Variants in DHX33 observed in about 807,000 individuals in gnomAD.
DHX33 encodes DEAH-box helicase 33.
A neutral mutation model predicts 72.5 loss-of-function variants in DHX33; 42 were observed. The observed-to-expected ratio is 0.58, with a 90% confidence interval of 0.45 to 0.75. The LOEUF (loss-of-function observed/expected upper bound fraction) is 0.75. DHX33 is among the 30% of genes least tolerant of loss of function. DHX33 has a pLI of 0.00. For missense variants in DHX33, 842 were observed against 917.5 expected, an observed-to-expected ratio of 0.92 and a Z score of 1.06; for synonymous variants, 358 against 366.1, an observed-to-expected ratio of 0.98 and a Z score of 0.25.
intron 2 of DHX33, among the ~76,000 whole-genome samples, chr17:5,462,845 T>TG (rs1904704112): frequency 6.6e-6 from 1 of 152,126 alleles, no homozygotes; most frequent in Non-Finnish European, 1.5e-5. Context: ...TTTGGGAGGT[T>TG]GGGGCAGGCA....
Position 5,450,368 on chromosome 17 carries a change from C to A in DHX33, c.1563G>T (p.Glu521Asp), listed in dbSNP as rs138849741. The change falls in exon 10 of 12, where the codon GAG becomes GAT. Residue 521 changes from glutamate to aspartate, a missense_variant. Physicochemically the swap from Glu to Asp is conservative, Grantham distance 45. Transcript: ENST00000225296. The stretch of plus-strand genomic sequence containing the variant: ...ACAGCAGGGAGACAATGGTCAGGAT[C>A]TCCTCTGTACAGTGGAATTTGGGGG... ...LMSPKFHCTE[E>D]ILTIVSLLSV... The A allele has an allele frequency of 5.0e-5, 81 of 1,614,162 alleles. No individual in the cohort carries two copies. The African/African-American group carries it at 9.5e-4, about 19-fold the overall frequency.
intron 2 of DHX33, 57 bp downstream of exon 2, chr17:5,463,472 C>T: frequency 6.5e-7 from 1 of 1,542,994 alleles, no homozygotes. Flanking sequence ...AGGCAGTGGG[C>T]ATGGGGAGAG....
At chr17:5,467,732 C>T (rs569642702) in intron 1 of DHX33, among the ~76,000 whole-genome samples, 1 of 152,276 alleles carries the variant, frequency 6.6e-6, no homozygotes, top group South Asian at 2.1e-4. Flanking sequence ...CTGCCAAAAA[C>T]TTCTCCACAC....
rs372045283 is a variant in DHX33, at chr17:5,448,901, T to G, written c.1729-6A>C. On this transcript the variant is annotated splice_region_variant and splice_polypyrimidine_tract_variant and intron_variant, in intron 10 of 11. Transcript: ENST00000225296. ...AAATTCTCTTTGCACCAATCCTGAATAGGAGAAAGAGTGATATCACAATCC... is the reference window on the plus strand; with the variant it reads ...AAATTCTCTTTGCACCAATCCTGAAGAGGAGAAAGAGTGATATCACAATCC... The G allele has an allele frequency of 1.9e-6, 3 of 1,609,538 alleles. No individual in the cohort carries two copies. The South Asian group carries it at 3.3e-5, about 18-fold the overall frequency.
intron 1 of DHX33, among the ~76,000 whole-genome samples, chr17:5,466,242 T>C (rs984799012): frequency 1.3e-5 from 2 of 152,210 alleles, no homozygotes; most frequent in Non-Finnish European, 2.9e-5. Context: ...GACTTTATTA[T>C]AAAATAGGTT....
intron 4 of DHX33, 44 bp downstream of exon 4, chr17:5,460,895 A>G: frequency 6.3e-7 from 1 of 1,577,692 alleles, no homozygotes; most frequent in Non-Finnish European, 8.6e-7. Flanking sequence ...TACCAACTGC[A>G]AGATAAAAGA....
In DHX33 at chr17:5,444,707, A is replaced by T. The variant is rs952167916; in HGVS notation, c.1816-194T>A. 1.3e-5 allele frequency among the ~76,000 whole-genome samples: 2 copies of T among 152,152 alleles called. No individual in the cohort carries two copies. The highest frequency in any genetic ancestry group is 4.8e-5 in the African/African-American group (2 of 41,434). On this transcript the variant is annotated intron_variant, in intron 11 of 11. Transcript: ENST00000225296. The surrounding 1 kb of genome is among the most constrained non-coding windows in gnomAD (Gnocchi z 4.9). ...CAGGGGAAGAAGGCCCAGCTGGAGG[A>T]GCACGGACCAGAAACAGGGAAACTA...
intron 4 of DHX33, 124 bp downstream of exon 4, chr17:5,460,815 C>T (rs907673563): frequency 8.2e-7 from 1 of 1,222,692 alleles, no homozygotes; most frequent in Non-Finnish European, 1.1e-6. Flanking sequence ...CCTCCTTATT[C>T]ATCTTGATGA....
Position 5,453,598 on chromosome 17 carries a change from T to A in DHX33, c.1378A>T (p.Met460Leu). The A allele has an allele frequency of 1.2e-6, 2 of 1,614,226 alleles. No individual in the cohort carries two copies. Among genetic ancestry groups the A allele is most frequent in the Non-Finnish European group, 1.7e-6 (2 of 1,180,038 alleles). ...CACTTACCTGGAGATGGCTTCGACA[T>A]GAAGTCAAAGGTGAGCACATTTGGG... is the stretch of plus-strand genomic sequence containing the variant. ...KVPNVLTFDF[M>L]SKPSPDHIQA... is the part of the protein sequence containing the mutation. Residue 460 changes from methionine (M) to leucine (L), a missense_variant, in exon 8 of 12, where the codon ATG becomes TTG. Transcript: ENST00000225296.
chr17:5,455,090 C>G, intron 6 of DHX33, 70 bp downstream of exon 6: 2 of 1,366,562 alleles, frequency 1.5e-6, no homozygotes, highest in Non-Finnish European at 2.1e-6. Flanking sequence ...CAGGGGAAAA[C>G]TGTGGGACTA....
At position 5,444,897 on chromosome 17, in the gene DHX33, C is replaced by G. The variant is rs186578882; in HGVS notation, c.1816-384G>C. Among the ~76,000 whole-genome samples, 650 of 152,310 alleles carry G rather than the reference C, an allele frequency of 4.3e-3. 4 individuals are homozygous for G. Among genetic ancestry groups the G allele is most frequent in the Non-Finnish European group, 7.2e-3 (491 of 68,028 alleles). On this transcript the variant is annotated intron_variant, in intron 11 of 11. Transcript: ENST00000225296. This position sits in a 1 kb window ranked among gnomAD's most constrained non-coding sequence, Gnocchi z 4.9. ...TCACCATCTCCTCACTCCGATTCAC[C>G]CACCTGCTGCTGCCAAGCTAATCTA...
intron 1 of DHX33, among the ~76,000 whole-genome samples, chr17:5,463,996 G>A (rs768320916): frequency 2.0e-5 from 3 of 152,164 alleles, no homozygotes; most frequent in Non-Finnish European, 4.4e-5. Context: ...CAGCCTGGGA[G>A]ATAGTGTGAG....
intron 4 of DHX33, 123 bp downstream of exon 4, chr17:5,460,816 A>T: frequency 8.0e-7 from 1 of 1,244,408 alleles, no homozygotes; most frequent in East Asian, 2.5e-5. Flanking sequence ...CTCCTTATTC[A>T]TCTTGATGAC....
intron 1 of DHX33, among the ~76,000 whole-genome samples, chr17:5,465,000 CG>C (rs1904809675): frequency 6.6e-6 from 1 of 152,224 alleles, no homozygotes; most frequent in Admixed American, 6.5e-5. Flanking sequence ...TGTACAGAAG[CG>C]TTTAAATGTG....
At chr17:5,454,142 G>A (rs934060859) in intron 6 of DHX33, among the ~76,000 whole-genome samples, 162 bp from the exon 7 acceptor site, 3 of 152,202 alleles carry the variant, frequency 2.0e-5, no homozygotes, top group East Asian at 1.9e-4. Flanking sequence ...GCTCCGCAGC[G>A]GTTTGGCCCT....
intron 6 of DHX33, 122 bp downstream of exon 6, chr17:5,455,038 G>T: frequency 1.2e-6 from 1 of 863,440 alleles, no homozygotes; most frequent in Non-Finnish European, 1.9e-6. Flanking sequence ...CTCACTCATG[G>T]CGCCTGCCAC....
At chr17:5,456,299 A>C (rs559969106) in intron 4 of DHX33, 117 bp from the exon 5 acceptor site, 2 of 1,131,230 alleles carry the variant, frequency 1.8e-6, no homozygotes, top group East Asian at 2.6e-5. Context: ...ATAGAAATGT[A>C]AATGAGCCTA....
At chr17:5,462,238 C>T in intron 3 of DHX33, 81 bp downstream of exon 3, 9 of 1,381,448 alleles carry the variant, frequency 6.5e-6, no homozygotes, top group Non-Finnish European at 8.0e-6. Flanking sequence ...CCGCGCCCAG[C>T]CAGGCCTGTT....
In DHX33 at chr17:5,450,417, A is replaced by G. The variant is rs1031733282; in HGVS notation, c.1525-11T>C. ...GGACATGAGGATGGTCTGCAAAGCAAAATTTAAAATTGTGTAAACCCAGCT... is the reference window on the plus strand; with the variant it reads ...GGACATGAGGATGGTCTGCAAAGCAGAATTTAAAATTGTGTAAACCCAGCT... On this transcript the variant is annotated splice_polypyrimidine_tract_variant and intron_variant, in intron 9 of 11. Coordinates refer to ENST00000225296, the MANE Select transcript of DHX33 (RefSeq NM_020162.4). The G allele has an allele frequency of 1.9e-6, 3 of 1,612,624 alleles. No individual in the cohort carries two copies. In the Admixed American group the frequency reaches 5.0e-5, roughly 27 times the overall value.
Sources: allele counts gnomAD v4.1 joint callset (sites outside exome capture counted in the v4.1 genomes callset), GRCh38; gene constraint gnomAD v4.1.1; non-coding constraint Gnocchi (gnomAD v3.1); transcripts MANE v1.5; gene names NCBI Gene and HGNC (gene_info 2026-07-23, HGNC 2026-07-21).